Variants in FAM110B observed in about 807,000 individuals in gnomAD.
The protein encoded by FAM110B is family with sequence similarity 110 member B.
A neutral mutation model predicts 20.4 loss-of-function variants in FAM110B; 6 were observed. The ratio of observed to expected loss-of-function variants is 0.29; its 90% confidence interval spans 0.16 to 0.58. The LOEUF is 0.58. Among genes scored for constraint, FAM110B ranks in the 20% least tolerant of loss-of-function variants. FAM110B has a pLI of 0.90. For synonymous variants in FAM110B, 226 were observed against 214.1 expected (o/e 1.06, Z -0.49); for missense variants, 434 against 498.2 (o/e 0.87, Z 1.23).
At chr8:58,026,839 T>C (rs1044702297) in intron 1 of FAM110B, among the ~76,000 whole-genome samples, 1 of 152,230 alleles carries the variant, frequency 6.6e-6, no homozygotes, top group Non-Finnish European at 1.5e-5. Flanking sequence ...TGCTTCTACA[T>C]AGGTCACATG....
At chr8:58,070,471 T>A (rs1224199754) in intron 2 of FAM110B, 1 of 152,194 alleles carries the variant, frequency 6.6e-6, no homozygotes, top group Non-Finnish European at 1.5e-5. Context: ...TTTAATCTGA[T>A]CTTGCTTTGT....
intron 3 of FAM110B, among the ~76,000 whole-genome samples, chr8:58,110,851 T>G (rs896689369): frequency 6.6e-6 from 1 of 152,172 alleles, no homozygotes; most frequent in Non-Finnish European, 1.5e-5. Flanking sequence ...AGGGGAAATA[T>G]TATTGGTTAT....
intron 3 of FAM110B, among the ~76,000 whole-genome samples, chr8:58,103,176 T>TTTA (rs1333555119): frequency 2.0e-5 from 3 of 152,024 alleles, no homozygotes; most frequent in Non-Finnish European, 4.4e-5. Context: ...TCTTTCTTTC[T>TTTA]TTATTATTAT....
At chr8:58,088,375 A>G (rs562392106) in intron 3 of FAM110B, among the ~76,000 whole-genome samples, 2 of 152,316 alleles carry the variant, frequency 1.3e-5, no homozygotes, top group Admixed American at 1.3e-4. Context: ...TTCAAGTCAT[A>G]TATCTAGTTT....
At chr8:58,022,261 A>G (rs1024781397) in intron 1 of FAM110B, among the ~76,000 whole-genome samples, 1 of 152,226 alleles carries the variant, frequency 6.6e-6, no homozygotes, top group Non-Finnish European at 1.5e-5. Flanking sequence ...CATTATGCTA[A>G]GCAAAATAAC....
In FAM110B at chr8:58,116,908, A is replaced by G. The variant is rs563950227; in HGVS notation, c.-324-28999A>G. Among the ~76,000 whole-genome samples, 3 of 152,330 alleles carry G rather than the reference A, an allele frequency of 2.0e-5. No homozygotes were observed. In the East Asian group the frequency reaches 5.8e-4, roughly 29 times the overall value. ...GCATCAGGAATGGTTTGCTAACTCA[A>G]AACCATTTCAAGCTTCTTAACGCGA... On this transcript the variant is annotated intron_variant, in intron 3 of 3. Transcript: ENST00000519262.
intron 3 of FAM110B, among the ~76,000 whole-genome samples, chr8:58,085,526 A>G (rs181841648): frequency 6.6e-6 from 1 of 152,310 alleles, no homozygotes; most frequent in Admixed American, 6.5e-5. Context: ...AAAACAAACA[A>G]AAAGTTGATA....
chr8:58,056,314 T>C (rs1805547483), intron 2 of FAM110B, among the ~76,000 whole-genome samples: 1 of 152,218 alleles, frequency 6.6e-6, no homozygotes, highest in Non-Finnish European at 1.5e-5. Context: ...TCAGGATGAG[T>C]CCATCTAGAA....
intron 3 of FAM110B, among the ~76,000 whole-genome samples, chr8:58,113,800 AC>A (rs1361173043): frequency 6.6e-6 from 1 of 152,264 alleles, no homozygotes; most frequent in Non-Finnish European, 1.5e-5. Flanking sequence ...TTTGCTGGGC[AC>A]AGATTTTTAA....
intron 1 of FAM110B, among the ~76,000 whole-genome samples, chr8:58,003,935 T>C (rs1226992727): frequency 6.6e-6 from 1 of 152,134 alleles, no homozygotes; most frequent in Non-Finnish European, 1.5e-5. Flanking sequence ...AAGCCAGACA[T>C]TGACTTCTCC....
At chr8:58,125,217 G>A (rs1023906538) in intron 3 of FAM110B, among the ~76,000 whole-genome samples, 7 of 152,136 alleles carry the variant, frequency 4.6e-5, no homozygotes, top group Non-Finnish European at 7.3e-5. Flanking sequence ...GCGTGGTGGC[G>A]CATGCCTGTA....
chr8:58,043,384 A>T (rs1244770944), intron 2 of FAM110B: 1 of 152,170 alleles, frequency 6.6e-6, no homozygotes. Flanking sequence ...TGTAAAACAG[A>T]TTGGTCTGCT....
intron 3 of FAM110B, among the ~76,000 whole-genome samples, chr8:58,131,834 C>T (rs1023316689): frequency 6.6e-6 from 1 of 152,206 alleles, no homozygotes; most frequent in Non-Finnish European, 1.5e-5. Context: ...TCTAGTTCTT[C>T]TGCCTATATA....
chr8:57,997,192 TGTATGGTCTA>T (rs1203187551), intron 1 of FAM110B, among the ~76,000 whole-genome samples: 1 of 152,186 alleles, frequency 6.6e-6, no homozygotes, highest in African/African-American at 2.4e-5. Flanking sequence ...AGGAGGCATA[TGTATGGTCTA>T]GTAGAATCCC....
rs1428425283 is a variant in FAM110B, at chr8:58,011,289, A to AG, written c.-512+16485dup. ...CTATGGCTCTAAGCTCCCTAACAGT[A>AG]GGAGTTATCAAACCCCTCCTAACAC... On this transcript the variant is annotated intron_variant, in intron 1 of 3. Transcript: ENST00000519262. 8.5e-5 allele frequency among the ~76,000 whole-genome samples: 13 copies of AG among 152,304 alleles called. No homozygotes were observed. In the South Asian group the frequency reaches 1.5e-3, roughly 17 times the overall value.
Position 58,146,706 on chromosome 8 carries a change from T to G in FAM110B, c.476T>G (p.Phe159Cys). 1 of 1,612,448 alleles carries G rather than the reference T, an allele frequency of 6.2e-7. No homozygotes were observed. The highest frequency in any genetic ancestry group is 8.5e-7 in the Non-Finnish European group (1 of 1,179,444). The change falls in exon 4 of 4, where the codon TTC (phenylalanine) becomes TGC (cysteine). Residue 159 changes from phenylalanine to cysteine, a missense_variant. Phe to Cys is a radical substitution (Grantham distance 205). This residue lies in a region of FAM110B where 284 missense variants were observed against 278.3 expected (regional missense o/e 1.02). Coordinates refer to ENST00000519262, the MANE Select transcript of FAM110B (RefSeq NM_001377989.1). ...SEATDLHRHSFAESLKVYPTQ... is the reference protein window; with the variant it reads ...SEATDLHRHSCAESLKVYPTQ... The stretch of plus-strand genomic sequence containing the variant: ...GCCACTGACCTGCACCGTCACTCCT[T>G]CGCGGAGTCCCTGAAGGTCTACCCC...
At chr8:58,107,778 T>C (rs994995597) in intron 3 of FAM110B, among the ~76,000 whole-genome samples, 3 of 152,228 alleles carry the variant, frequency 2.0e-5, no homozygotes, top group Non-Finnish European at 4.4e-5. Flanking sequence ...AGCATGCCCA[T>C]GGTGGATACC....
intron 2 of FAM110B, among the ~76,000 whole-genome samples, chr8:58,041,017 T>C (rs1343134293): frequency 1.4e-5 from 2 of 147,290 alleles, no homozygotes; most frequent in Non-Finnish European, 3.0e-5. Flanking sequence ...TCTTGGCTCA[T>C]TGCAACCTCC....
intron 2 of FAM110B, among the ~76,000 whole-genome samples, chr8:58,052,843 T>G (rs1003084002): frequency 6.4e-5 from 8 of 125,546 alleles, no homozygotes; most frequent in Non-Finnish European, 1.3e-4. Context: ...TGGAGTGCAG[T>G]GGCGCGATCT....
Sources: gnomAD v4.1 joint callset for allele counts (sites outside exome capture counted in the v4.1 genomes callset) on GRCh38, gnomAD v4.1.1 for gene constraint, gnomAD v4.1.1 regional missense constraint, MANE v1.5 for transcripts, NCBI Gene and HGNC (gene_info 2026-07-23, HGNC 2026-07-21) for gene names.